Variants in RACGAP1 observed in about 807,000 individuals in gnomAD.
The protein encoded by RACGAP1 is Rac GTPase activating protein 1.
Under a neutral mutation model 78.1 loss-of-function variants are expected in RACGAP1, and 30 were observed. That is an observed-to-expected ratio of 0.38 (90% confidence interval 0.29 to 0.52). The LOEUF is 0.52. Ranked by LOEUF, RACGAP1 falls within the 20% of genes least tolerant of loss-of-function variation. The pLI, the probability that RACGAP1 is intolerant of heterozygous loss-of-function variation, is 0.82. For missense variants in RACGAP1, 587 were observed against 777.1 expected, an observed-to-expected ratio of 0.76 and a Z score of 2.91; for synonymous variants, 231 against 264.8, an observed-to-expected ratio of 0.87 and a Z score of 1.24.
At chr12:50,014,721 G>T (rs1220144095) in intron 2 of RACGAP1, among the ~76,000 whole-genome samples, 1 of 151,982 alleles carries the variant, frequency 6.6e-6, no homozygotes, top group Non-Finnish European at 1.5e-5. Context: ...CACACTGGCG[G>T]GTTTTTTTGT....
intron 1 of RACGAP1, among the ~76,000 whole-genome samples, chr12:50,024,374 G>T (rs1565710119): frequency 6.6e-6 from 1 of 152,174 alleles, no homozygotes; most frequent in Non-Finnish European, 1.5e-5. Context: ...AACATGGATA[G>T]AACTGGAGGC....
chr12:50,029,522 C>T (rs1276471571), upstream of RACGAP1, among the ~76,000 whole-genome samples: 1 of 151,716 alleles, frequency 6.6e-6, no homozygotes, highest in Admixed American at 6.6e-5. Flanking sequence ...TGCAGTGAAC[C>T]GAGATTGTGC....
In RACGAP1 at chr12:49,999,261, T is replaced by G; in HGVS notation, c.759A>C (p.Gln253His). Residue 253 changes from glutamine (Q) to histidine (H), a missense_variant, in exon 9 of 17, where the codon CAA (glutamine) becomes CAC (histidine). Physicochemically the swap from Gln to His is conservative, Grantham distance 24. Transcript: ENST00000312377. ...TCAGGGTGGAGTCACTGTTCCAAGGTTGTAAAGTACCTAGAAAACAAGCAA... is the reference window on the plus strand; with the variant it reads ...TCAGGGTGGAGTCACTGTTCCAAGGGTGTAAAGTACCTAGAAAACAAGCAA... ...TRSRRKTGTL[Q>H]PWNSDSTLNS... 6.2e-7 allele frequency: 1 copy of G among 1,605,656 alleles called. No individual in the cohort carries two copies. Among genetic ancestry groups the G allele is most frequent in the Non-Finnish European group, 8.5e-7 (1 of 1,177,984 alleles).
intron 1 of RACGAP1, among the ~76,000 whole-genome samples, chr12:50,023,984 A>G (rs1429915572): frequency 1.3e-5 from 2 of 151,618 alleles, no homozygotes; most frequent in Non-Finnish European, 2.9e-5. Context: ...AAACGGTGAA[A>G]CCCCGTCTCT....
chr12:50,006,386 T>G, intron 3 of RACGAP1, 48 bp downstream of exon 3: 1 of 1,597,038 alleles, frequency 6.3e-7, no homozygotes, highest in Non-Finnish European at 8.6e-7. Flanking sequence ...AGACAATGCC[T>G]TCCCCCTCCT....
At chr12:49,994,561 G>T in intron 10 of RACGAP1, 52 bp from the exon 11 acceptor site, 1 of 1,580,388 alleles carries the variant, frequency 6.3e-7, no homozygotes, top group Non-Finnish European at 8.6e-7. Context: ...TAGACCAACA[G>T]ATGAAGACCA....
Position 49,999,610 on chromosome 12 carries a change from A to G in RACGAP1, c.748+6T>C. ...ACAGGCCAGTTTAGTCACAAATTCA[A>G]TGGACCTGTTTTCCTTCGGCTCCTG... is the stretch of plus-strand genomic sequence containing the variant. On this transcript the variant is annotated splice_donor_region_variant and intron_variant, in intron 8 of 16. Transcript: ENST00000312377. The G allele has an allele frequency of 6.2e-7, 1 of 1,609,814 alleles. No homozygotes were observed. Among genetic ancestry groups the G allele is most frequent in the Non-Finnish European group, 8.5e-7 (1 of 1,176,182 alleles).
In RACGAP1 at chr12:49,990,096, A is replaced by T; in HGVS notation, c.*172T>A. 4.0e-6 allele frequency: 2 copies of T among 500,930 alleles called. No individual in the cohort carries two copies. Among genetic ancestry groups the T allele is most frequent in the Non-Finnish European group, 7.1e-6 (2 of 282,040 alleles). 31.0% of individuals were successfully genotyped at this position (500,930 alleles called of 1,614,324 possible). On this transcript the variant is annotated 3_prime_UTR_variant, in exon 17 of 17. Coordinates refer to ENST00000312377, the MANE Select transcript of RACGAP1 (RefSeq NM_001319999.2). ...TGCTGATATTATGTGACTTGAGGAG[A>T]AGGAAGGGGAGATATATATAGTTTT... is the stretch of plus-strand genomic sequence containing the variant.
intron 2 of RACGAP1, among the ~76,000 whole-genome samples, chr12:50,008,204 T>G (rs1432992946): frequency 1.4e-5 from 2 of 146,410 alleles, no homozygotes; most frequent in Non-Finnish European, 3.0e-5. Flanking sequence ...AGATATTACT[T>G]TTTTTTTTTT....
At chr12:50,014,886 T>G (rs1469161491) in intron 2 of RACGAP1, among the ~76,000 whole-genome samples, 3 of 151,402 alleles carry the variant, frequency 2.0e-5, no homozygotes, top group Non-Finnish European at 4.4e-5. Context: ...CTACTAAAAA[T>G]ACAAAAATTA....
rs1256414357 is a variant in RACGAP1, at chr12:49,992,356, AG to A, written c.1466del (p.Thr489IlefsTer16). 6.2e-7 allele frequency: 1 copy of A among 1,614,082 alleles called. No homozygotes were observed. Among genetic ancestry groups the A allele is most frequent in the Non-Finnish European group, 8.5e-7 (1 of 1,180,022 alleles). ...TAGCCAGATTGGCAACATCCATTTT[AG>A]TATGTGGACTCTGAGCCACTCTAAG... ...HLQRVAQSPH[T>X]KMDVANLAKV... is the part of the protein sequence containing the mutation. On this transcript the variant is annotated frameshift_variant, in exon 14 of 17. Transcript: ENST00000312377. LOFTEE classifies it high-confidence loss of function.
intron 2 of RACGAP1, among the ~76,000 whole-genome samples, chr12:50,016,123 T>C (rs1307635731): frequency 6.6e-6 from 1 of 152,208 alleles, no homozygotes; most frequent in African/African-American, 2.4e-5. Flanking sequence ...GGCTCACGCC[T>C]GTAATCCCAG....
At chr12:49,994,610 G>T in intron 10 of RACGAP1, 101 bp from the exon 11 acceptor site, 1 of 1,470,616 alleles carries the variant, frequency 6.8e-7, no homozygotes, top group Non-Finnish European at 9.0e-7. Context: ...CTCAAACTGG[G>T]ACATCATGTC....
chr12:49,999,218 G>T lies in RACGAP1; in HGVS notation c.802C>A (p.Pro268Thr). The change falls in exon 9 of 17, where the codon CCA becomes ACA. Residue 268 changes from proline to threonine, a missense_variant. By Grantham distance (38) the Pro-to-Thr change is conservative. Coordinates refer to ENST00000312377, the MANE Select transcript of RACGAP1 (RefSeq NM_001319999.2). ...DSTLNSRQLE[P>T]RTETDSVGTP... ...CCCACACTGTCTGTCTCAGTTCTTG[G>T]CTCCAGCTGCCTGCTGTTCAGGGTG... The T allele has an allele frequency of 1.2e-6, 2 of 1,614,084 alleles. No homozygotes were observed. Among genetic ancestry groups the T allele is most frequent in the Non-Finnish European group, 1.7e-6 (2 of 1,180,016 alleles).
intron 2 of RACGAP1, 149 bp downstream of exon 2, chr12:50,016,482 T>C: frequency 1.3e-6 from 1 of 772,744 alleles, no homozygotes; most frequent in Non-Finnish European, 2.2e-6. Context: ...GAGTGCCCAT[T>C]AGGCTTTGAC....
chr12:49,999,980 T>A (rs1042173946), intron 7 of RACGAP1, among the ~76,000 whole-genome samples: 3 of 146,816 alleles, frequency 2.0e-5, no homozygotes, highest in Admixed American at 7.0e-5. Flanking sequence ...GCCTTCTGAG[T>A]AGCTGGGATT....
intron 1 of RACGAP1, chr12:50,032,854 G>C (rs549077415): frequency 1.3e-5 from 2 of 152,280 alleles, no homozygotes; most frequent in African/African-American, 2.4e-5. Context: ...GGGGCGGCAA[G>C]CGGGGGCGCC....
intron 5 of RACGAP1, 108 bp downstream of exon 5, chr12:50,004,127 C>A (rs904335603): frequency 2.1e-6 from 3 of 1,398,274 alleles, no homozygotes; most frequent in African/African-American, 1.4e-5. Flanking sequence ...AACACATCAA[C>A]TAATAAAATA....
In RACGAP1 at chr12:50,006,582, G is replaced by A; in HGVS notation, c.140C>T (p.Thr47Ile). ...FEDFRKKWQR[T>I]DHELGKYKDL... ...CTTGTATTTCCCCAGCTCATGGTCA[G>A]TCCTCTGCCACTTTTTACGGAAATC... The change falls in exon 3 of 17, where the codon ACT (threonine) becomes ATT (isoleucine). Residue 47 changes from threonine to isoleucine, a missense_variant. Transcript: ENST00000312377. 1 of 1,614,140 alleles carries A rather than the reference G, an allele frequency of 6.2e-7. No individual in the cohort carries two copies. The highest frequency in any genetic ancestry group is 8.5e-7 in the Non-Finnish European group (1 of 1,180,012).
Sources: gnomAD v4.1 joint callset for allele counts (sites outside exome capture counted in the v4.1 genomes callset) on GRCh38, gnomAD v4.1.1 for gene constraint, MANE v1.5 for transcripts, NCBI Gene and HGNC (gene_info 2026-07-23, HGNC 2026-07-21) for gene names.